Variants in WFDC10B observed in about 807,000 individuals in gnomAD.
WFDC10B encodes the protein WAP four-disulfide core domain 10B.
Under a neutral mutation model 2.7 loss-of-function variants are expected in WFDC10B, and 1 was observed. That is an observed-to-expected ratio of 0.38 (90% CI 0.13 to 1.79). WFDC10B has a LOEUF of 1.79. WFDC10B is among the 40% of genes most tolerant of loss of function. The probability of loss-of-function intolerance (pLI) is 0.33; values close to 1 mark genes in which losing one functional copy is unlikely to be tolerated. For synonymous variants in WFDC10B, 26 were observed against 32.2 expected (o/e 0.81, Z 0.65); for missense variants, 71 against 87.8 (o/e 0.81, Z 0.76).
chr20:45,701,836 T>TA (rs141148058), intron 2 of WFDC10B, among the ~76,000 whole-genome samples: 2,190 of 150,888 alleles, frequency 0.015, 47 homozygotes, highest in African/African-American at 0.049. Flanking sequence ...GGGAAAATTA[T>TA]AAAAAAATGT....
intron 2 of WFDC10B, among the ~76,000 whole-genome samples, chr20:45,704,257 G>A (rs146596252): frequency 6.6e-6 from 1 of 152,282 alleles, no homozygotes; most frequent in East Asian, 1.9e-4. Flanking sequence ...AAATATCCAT[G>A]CCCTGCTTCC....
chr20:45,685,073 T>C, intron 3 of WFDC10B, 113 bp from the exon 4 acceptor site: 4 of 1,379,890 alleles, frequency 2.9e-6, no homozygotes, highest in Non-Finnish European at 3.9e-6. Context: ...ACCACGACTC[T>C]CCTGGACTCT....
At chr20:45,692,800 G>A (rs1173395650) in intron 2 of WFDC10B, among the ~76,000 whole-genome samples, 2 of 152,088 alleles carry the variant, frequency 1.3e-5, no homozygotes, top group African/African-American at 2.4e-5. Flanking sequence ...CTCGTAGTTT[G>A]ATCGTCTGAA....
chr20:45,694,383 T>C (rs760555240), intron 2 of WFDC10B, among the ~76,000 whole-genome samples: 1 of 152,204 alleles, frequency 6.6e-6, no homozygotes, highest in Non-Finnish European at 1.5e-5. Context: ...GTGATTATTA[T>C]ATTAAAGTCA....
chr20:45,701,280 AAAC>A (rs1984148243), intron 2 of WFDC10B, among the ~76,000 whole-genome samples: 3 of 152,190 alleles, frequency 2.0e-5, no homozygotes, highest in African/African-American at 4.8e-5. Flanking sequence ...AAAGAAAAGT[AAAC>A]GCCTATAGGG....
chr20:45,704,921 C>G lies in WFDC10B; in HGVS notation c.-133G>C, dbSNP rs761638791. ...CCTTATCCCAGGGACACTGTACCTG[C>G]AGGTGTAACCAAAATCCCAAAGCAA... On this transcript the variant is annotated 5_prime_UTR_variant, in exon 1 of 4. Transcript: ENST00000330523. 2 of 1,613,942 alleles carry G rather than the reference C, an allele frequency of 1.2e-6. No individual in the cohort carries two copies. Among genetic ancestry groups the G allele is most frequent in the African/African-American group, 2.7e-5 (2 of 74,920 alleles).
intron 2 of WFDC10B, among the ~76,000 whole-genome samples, chr20:45,687,543 G>A (rs1035868093): frequency 3.3e-5 from 5 of 152,036 alleles, no homozygotes; most frequent in Non-Finnish European, 7.4e-5. Flanking sequence ...GGGGTTGCTG[G>A]GTCAAATGGT....
chr20:45,687,169 C>T (rs140893900), intron 2 of WFDC10B, among the ~76,000 whole-genome samples: 13 of 152,182 alleles, frequency 8.5e-5, no homozygotes, highest in South Asian at 4.2e-4. Flanking sequence ...CTATGACAGG[C>T]CCCAAGGTGT....
At chr20:45,691,416 T>G (rs1983808779) in intron 2 of WFDC10B, among the ~76,000 whole-genome samples, 1 of 150,788 alleles carries the variant, frequency 6.6e-6, no homozygotes, top group Non-Finnish European at 1.5e-5. Context: ...CTCGTTGATC[T>G]GTCTAATGTT....
intron 2 of WFDC10B, 67 bp from the exon 3 acceptor site, chr20:45,686,123 C>A: frequency 6.8e-7 from 1 of 1,476,432 alleles, no homozygotes; most frequent in Non-Finnish European, 9.0e-7. Flanking sequence ...CTGGACAAGT[C>A]AGGGCAGAGC....
rs1983553845 is a variant in WFDC10B, at chr20:45,684,857, A to G, written c.195T>C (p.Cys65=). Reference sequence around the variant, plus strand: ...ATAGGATGCTCATACAAATGTTCCCACAGAAGGCTGAACAGCATATCTTAT... The same window carrying G: ...ATAGGATGCTCATACAAATGTTCCCGCAGAAGGCTGAACAGCATATCTTAT... ...ETNKICCSAF[C]GNICMSIL Residue 65 remains cysteine, a synonymous_variant, in exon 4 of 4, where the codon TGT becomes TGC. Coordinates refer to ENST00000330523, the MANE Select transcript of WFDC10B (RefSeq NM_172006.2). 1 of 1,613,854 alleles carries G rather than the reference A, an allele frequency of 6.2e-7. No homozygotes were observed. The highest frequency in any genetic ancestry group is 1.1e-5 in the South Asian group (1 of 91,074).
At chr20:45,685,202 G>A (rs557169338) in intron 3 of WFDC10B, among the ~76,000 whole-genome samples, 11 of 152,096 alleles carry the variant, frequency 7.2e-5, no homozygotes, top group Non-Finnish European at 8.8e-5. Flanking sequence ...CTGGACTCTC[G>A]CCATACACCT....
chr20:45,697,742 CTTT>C (rs1162470530), intron 2 of WFDC10B, among the ~76,000 whole-genome samples: 2 of 113,406 alleles, frequency 1.8e-5, no homozygotes, highest in Non-Finnish European at 3.7e-5. Context: ...ATTTCTTTTT[CTTT>C]TTTTTTTTTT....
chr20:45,688,031 C>A (rs1445881396), intron 2 of WFDC10B, among the ~76,000 whole-genome samples: 16 of 113,468 alleles, frequency 1.4e-4, no homozygotes, highest in Admixed American at 5.1e-4. Context: ...CCCCTCCCCC[C>A]ACCCCACAAC....
chr20:45,689,823 T>C (rs1013084104), intron 2 of WFDC10B, among the ~76,000 whole-genome samples: 4 of 152,210 alleles, frequency 2.6e-5, no homozygotes, highest in Non-Finnish European at 5.9e-5. Context: ...CCTAATTGAA[T>C]ACACTTTATT....
At chr20:45,690,543 T>G (rs1158909786) in intron 2 of WFDC10B, among the ~76,000 whole-genome samples, 1 of 151,822 alleles carries the variant, frequency 6.6e-6, no homozygotes, top group Non-Finnish European at 1.5e-5. Flanking sequence ...ATTCAGAGAT[T>G]CAACTTCTTC....
rs75216546 is a variant in WFDC10B at position 45,704,466 on chromosome 20, C to A, written c.-65+31G>T. On this transcript the variant is annotated intron_variant, in intron 2 of 3. Transcript: ENST00000330523. ...CAGAGTATATCTTGGAACCTCCACCCTGCATATCAGCACCTGAAAACTGTA... is the reference window on the plus strand; with the variant it reads ...CAGAGTATATCTTGGAACCTCCACCATGCATATCAGCACCTGAAAACTGTA... The A allele has an allele frequency of 1.7e-3, 2,774 of 1,613,946 alleles. 52 individuals carry two copies. In the African/African-American group the frequency reaches 0.033, roughly 19 times the overall value.
chr20:45,695,721 C>T (rs796982938), intron 2 of WFDC10B, among the ~76,000 whole-genome samples: 23 of 152,258 alleles, frequency 1.5e-4, no homozygotes, highest in African/African-American at 5.5e-4. Flanking sequence ...CATGTTGACT[C>T]ATGCCTGTAA....
rs1984285324 is a variant in WFDC10B at position 45,704,034 on chromosome 20, T to C, written c.-65+463A>G. Among the ~76,000 whole-genome samples, 3 of 152,356 alleles carry C rather than the reference T, an allele frequency of 2.0e-5. No individual in the cohort carries two copies. The South Asian group carries it at 6.2e-4, about 32-fold the overall frequency. On this transcript the variant is annotated intron_variant, in intron 2 of 3. Coordinates refer to ENST00000330523, the MANE Select transcript of WFDC10B (RefSeq NM_172006.2). ...ATGTTAGGTTAACCCCAGGGTAAAC[T>C]ATGTTGTTAATGAGAAGCTCTACAA...
Sources: gnomAD v4.1 joint callset for allele counts (sites outside exome capture counted in the v4.1 genomes callset) on GRCh38, gnomAD v4.1.1 for gene constraint, MANE v1.5 for transcripts, NCBI Gene and HGNC (gene_info 2026-07-23, HGNC 2026-07-21) for gene names.